Variants in ABCA6 observed in about 807,000 individuals in gnomAD.
ABCA6 encodes ATP binding cassette subfamily A member 6.
In ABCA6, 164 loss-of-function variants were observed where a neutral mutation model predicts 191.2. That is an observed-to-expected ratio of 0.86 (90% CI 0.76 to 0.98). The LOEUF (loss-of-function observed/expected upper bound fraction) is 0.98. Ranked by LOEUF, ABCA6 falls within the 50% of genes least tolerant of loss-of-function variation. The pLI, the probability that ABCA6 is intolerant of heterozygous loss-of-function variation, is 0.00. For synonymous variants in ABCA6, 636 were observed against 647.7 expected, an observed-to-expected ratio of 0.98 and a Z score of 0.27; for missense variants, 1,958 against 1,894.1, an observed-to-expected ratio of 1.03 and a Z score of -0.63.
chr17:69,100,447 A>G (rs2073153771), intron 22 of ABCA6, among the ~76,000 whole-genome samples: 1 of 152,186 alleles, frequency 6.6e-6, no homozygotes, highest in Non-Finnish European at 1.5e-5. Context: ...ACTAATTATA[A>G]TAGATTTATA....
In ABCA6 at chr17:69,100,926, T is replaced by C. The variant is rs1479678443; in HGVS notation, c.2883A>G (p.Arg961=). ...IIVSGKQKDY[R]FSVVCNTKRL... Reference sequence around the variant, plus strand: ...TCTTGGTATTACACACAACTGAAAATCTATAATCCTTAAAACAGAAACAAA... The same window carrying C: ...TCTTGGTATTACACACAACTGAAAACCTATAATCCTTAAAACAGAAACAAA... Residue 961 remains arginine (R), a synonymous_variant, in exon 22 of 39, where the codon AGA becomes AGG. Coordinates refer to ENST00000284425, the MANE Select transcript of ABCA6 (RefSeq NM_080284.3). 1 of 1,588,318 alleles carries C rather than the reference T, an allele frequency of 6.3e-7. No individual in the cohort carries two copies. The highest frequency in any genetic ancestry group is 1.4e-5 in the African/African-American group (1 of 73,910).
rs1454039930 is a variant in ABCA6, at chr17:69,091,677, T to C, written c.3409-415A>G. Among the ~76,000 whole-genome samples, 18 of 71,898 alleles carry C rather than the reference T, an allele frequency of 2.5e-4. 7 individuals are homozygous for C. The allele number at this position is 71,898 out of a possible 152,430, so 47.2% of individuals were successfully genotyped here. ...AGCTGGGACTACAGGCGCCCGCCACTACGCCCGGCTAATTTTTTGTATTTT... is the reference window on the plus strand; with the variant it reads ...AGCTGGGACTACAGGCGCCCGCCACCACGCCCGGCTAATTTTTTGTATTTT... On this transcript the variant is annotated intron_variant, in intron 25 of 38. Transcript: ENST00000284425.
In ABCA6 at chr17:69,118,025, C is replaced by T; in HGVS notation, c.1437-69G>A. 9 of 1,103,686 alleles carry T rather than the reference C, an allele frequency of 8.2e-6. No homozygotes were observed. The South Asian group carries it at 1.1e-4, about 14-fold the overall frequency. 68.4% of individuals were successfully genotyped at this position (1,103,686 alleles called of 1,614,324 possible). Reference sequence around the variant, plus strand: ...AAAATAGCACGGGCCATTTATAGCCCTAGTCATAGTGATAACTGCAGCCAA... The same window carrying T: ...AAAATAGCACGGGCCATTTATAGCCTTAGTCATAGTGATAACTGCAGCCAA... On this transcript the variant is annotated intron_variant, in intron 10 of 38. Coordinates refer to ENST00000284425, the MANE Select transcript of ABCA6 (RefSeq NM_080284.3).
intron 25 of ABCA6, among the ~76,000 whole-genome samples, chr17:69,091,554 G>C: frequency 5.6e-5 from 1 of 17,868 alleles, no homozygotes. Flanking sequence ...ACGGAGTCTC[G>C]CTCTGTCGCC....
intron 23 of ABCA6, 54 bp downstream of exon 23, chr17:69,097,865 CA>C: frequency 2.3e-6 from 3 of 1,292,196 alleles, no homozygotes; most frequent in Non-Finnish European, 3.2e-6. Flanking sequence ...ACATAGCATT[CA>C]AAATACAGAT....
chr17:69,136,281 A>G (rs2073947624), intron 3 of ABCA6, 31 bp from the exon 4 acceptor site: 4 of 1,440,430 alleles, frequency 2.8e-6, no homozygotes, highest in East Asian at 2.5e-5. Context: ...ATAGACATAG[A>G]AAATTGTAAG....
At chr17:69,115,538 C>A in intron 11 of ABCA6, 52 bp from the exon 12 acceptor site, 2 of 1,380,738 alleles carry the variant, frequency 1.4e-6, no homozygotes, top group South Asian at 1.2e-5. Flanking sequence ...AACAGAAAGG[C>A]ATTAGACAGG....
At chr17:69,100,601 C>T (rs2073156815) in intron 22 of ABCA6, among the ~76,000 whole-genome samples, 196 bp downstream of exon 22, 1 of 150,392 alleles carries the variant, frequency 6.6e-6, no homozygotes, top group African/African-American at 2.4e-5. Context: ...AAAAGTATTC[C>T]CTCACGATAA....
chr17:69,123,606 A>C (rs1183467173), intron 9 of ABCA6, among the ~76,000 whole-genome samples, 199 bp from the exon 10 acceptor site: 1 of 152,084 alleles, frequency 6.6e-6, no homozygotes, highest in Non-Finnish European at 1.5e-5. Flanking sequence ...AACATATTGC[A>C]AAATTAAACA....
At chr17:69,137,703 A>C (rs1156734737) in intron 2 of ABCA6, among the ~76,000 whole-genome samples, 1 of 152,194 alleles carries the variant, frequency 6.6e-6, no homozygotes, top group Non-Finnish European at 1.5e-5. Flanking sequence ...CTAATACTAG[A>C]ACAAAACTTT....
At chr17:69,115,018 G>A (rs577013081) in intron 12 of ABCA6, 81 bp from the exon 13 acceptor site, 2 of 1,089,026 alleles carry the variant, frequency 1.8e-6, no homozygotes, top group East Asian at 5.2e-5. Context: ...GAAAATATTG[G>A]CATATGTTCA....
At chr17:69,087,659 TTAA>T (rs2072833100) in intron 28 of ABCA6, 186 bp from the exon 29 acceptor site, 1 of 727,884 alleles carries the variant, frequency 1.4e-6, no homozygotes, top group Admixed American at 2.9e-5. Context: ...AATCCTTTTC[TTAA>T]TGTTGTTGCC....
chr17:69,097,744 A>G (rs1275573483), intron 23 of ABCA6, among the ~76,000 whole-genome samples, 176 bp downstream of exon 23: 1 of 152,244 alleles, frequency 6.6e-6, no homozygotes, highest in Non-Finnish European at 1.5e-5. Flanking sequence ...AATAAAAAGC[A>G]TTTTGAGTTT....
At chr17:69,085,332 T>C in intron 31 of ABCA6, 150 bp from the exon 32 acceptor site, 1 of 820,460 alleles carries the variant, frequency 1.2e-6, no homozygotes, top group Non-Finnish European at 1.8e-6. Context: ...CAGAAAATGA[T>C]TTAAAGTACA....
At chr17:69,123,002 A>G (rs2073677674) in intron 10 of ABCA6, among the ~76,000 whole-genome samples, 1 of 119,904 alleles carries the variant, frequency 8.3e-6, no homozygotes, top group African/African-American at 3.2e-5. Context: ...ATCACACACC[A>G]GGGACTGTTC....
In ABCA6 at chr17:69,134,647, T is replaced by TTA. The variant is rs1568036883; in HGVS notation, c.555_556insTA (p.Ile186Ter). On this transcript the variant is annotated frameshift_variant, in exon 5 of 39. Transcript: ENST00000284425. LOFTEE classifies it high-confidence loss of function. ...TTCAATCAAGCACTTACTTCTATAA[T>TTA]GGCAGTATTAATAGCTGTTTGTAAA... 5.0e-6 allele frequency: 8 copies of TTA among 1,610,634 alleles called. No homozygotes were observed. Among genetic ancestry groups the TTA allele is most frequent in the Non-Finnish European group, 5.9e-6 (7 of 1,178,174 alleles).
chr17:69,110,941 C>T lies in ABCA6; in HGVS notation c.2133-1G>A. ...GTTACATATTTCATTCCTATGTAAA[C>T]TAATATTTAAAAGAAAAGATAAGTC... On this transcript the variant is annotated splice_acceptor_variant, in intron 16 of 38. Coordinates refer to ENST00000284425, the MANE Select transcript of ABCA6 (RefSeq NM_080284.3). LOFTEE classifies it high-confidence loss of function. 1.9e-6 allele frequency: 3 copies of T among 1,582,696 alleles called. No individual in the cohort carries two copies. Among genetic ancestry groups the T allele is most frequent in the Non-Finnish European group, 2.6e-6 (3 of 1,168,772 alleles).
chr17:69,138,285 T>A (rs1031677061), intron 2 of ABCA6, among the ~76,000 whole-genome samples: 1 of 152,176 alleles, frequency 6.6e-6, no homozygotes, highest in Non-Finnish European at 1.5e-5. Context: ...CACTCTCAAC[T>A]TTCATTAGAC....
chr17:69,107,486 A>G (rs1173152598), intron 18 of ABCA6, among the ~76,000 whole-genome samples: 1 of 152,200 alleles, frequency 6.6e-6, no homozygotes, highest in African/African-American at 2.4e-5. Context: ...ATAGTTTCCA[A>G]AAGGAAACTT....
Sources: allele counts gnomAD v4.1 joint callset (sites outside exome capture counted in the v4.1 genomes callset), GRCh38; gene constraint gnomAD v4.1.1; transcripts MANE v1.5; gene names NCBI Gene and HGNC (gene_info 2026-07-23, HGNC 2026-07-21).